The following NTPCR variants were observed in gnomAD, a reference collection of about 807,000 sequenced individuals.
NTPCR encodes the protein nucleoside-triphosphatase, cancer-related.
NTPCR carries 15 observed loss-of-function variants against 19.5 expected under a neutral mutation model. The observed-to-expected ratio is 0.77, with a 90% CI of 0.51 to 1.18. The LOEUF (loss-of-function observed/expected upper bound fraction) is 1.18, where lower values mean the gene tolerates loss of function less well. Ranked by LOEUF, NTPCR falls within the 50% of genes most tolerant of loss-of-function variation. The pLI is 0.00. For synonymous variants in NTPCR, 90 were observed against 95.8 expected (o/e 0.94, Z 0.36); for missense variants, 206 against 240.4 (o/e 0.86, Z 0.95).
rs568756935 is a variant in NTPCR, at chr1:232,980,669, G to A, written c.*2438G>A. 6.6e-6 allele frequency: 1 copy of A among 152,330 alleles called. No homozygotes were observed. The highest frequency in any genetic ancestry group is 6.5e-5 in the Admixed American group (1 of 15,308). The allele number at this position is 152,330 out of a possible 1,614,324, so 9.4% of individuals were successfully genotyped here. A position where few individuals can be genotyped will look rare whatever the true frequency, so the allele number is the denominator to read the frequency against. ...GATAAGATGAATTCACAGATAACTAGAACTCAGGGCCAAACGCACACAGCC... is the reference window on the plus strand; with the variant it reads ...GATAAGATGAATTCACAGATAACTAAAACTCAGGGCCAAACGCACACAGCC... On this transcript the variant is annotated 3_prime_UTR_variant, in exon 5 of 5. Transcript: ENST00000366628.
At chr1:232,969,549 A>G (rs1486426541) in intron 3 of NTPCR, 1 of 210,682 alleles carries the variant, frequency 4.7e-6, no homozygotes, top group Non-Finnish European at 9.9e-6. Context: ...TTAAAAGGAA[A>G]CAAGTCTTGG....
rs142991456 is a variant in NTPCR, at chr1:232,954,932, T to G, written c.35-625T>G. On this transcript the variant is annotated intron_variant, in intron 1 of 4. Coordinates refer to ENST00000366628, the MANE Select transcript of NTPCR (RefSeq NM_032324.3). ...GTGGGGGATAAAGGTGAAGAAATGC[T>G]TAGAGACCCTGGAGAAGATGATGTT... Among the ~76,000 whole-genome samples the G allele has an allele frequency of 7.8e-3, 1,195 of 152,268 alleles. 16 individuals carry two copies. The highest frequency in any genetic ancestry group is 0.028 in the African/African-American group (1,159 of 41,548).
chr1:232,957,322 C>G (rs115629331), intron 3 of NTPCR, among the ~76,000 whole-genome samples: 1 of 152,074 alleles, frequency 6.6e-6, no homozygotes, highest in African/African-American at 2.4e-5. Flanking sequence ...GCCATGTGGG[C>G]TAGGTTTTTC....
chr1:232,972,594 T>G (rs528318498), intron 4 of NTPCR, among the ~76,000 whole-genome samples: 1 of 152,080 alleles, frequency 6.6e-6, no homozygotes, highest in African/African-American at 2.4e-5. Flanking sequence ...CCTGACTCAT[T>G]TGTGCATTTT....
chr1:232,972,980 C>T (rs1402925418), intron 4 of NTPCR, among the ~76,000 whole-genome samples: 1 of 151,888 alleles, frequency 6.6e-6, no homozygotes, highest in Non-Finnish European at 1.5e-5. Context: ...GAGAGGTGTC[C>T]AAAGGAAGGG....
intron 3 of NTPCR, 150 bp from the exon 4 acceptor site, chr1:232,969,759 G>A (rs775450987): frequency 9.8e-5 from 61 of 621,434 alleles, no homozygotes; most frequent in Non-Finnish European, 1.6e-4. Flanking sequence ...CAGTACCAGC[G>A]GTGGTCTGTG....
At position 232,983,731 on chromosome 1, in the gene NTPCR, C is replaced by G. The variant is rs912860901; in HGVS notation, c.*5500C>G. Reference sequence around the variant, plus strand: ...TTGTTGTGAAGCTGCCACCATGTTACGCTTAACAGCTGCATAAATATTATA... The same window carrying G: ...TTGTTGTGAAGCTGCCACCATGTTAGGCTTAACAGCTGCATAAATATTATA... On this transcript the variant is annotated 3_prime_UTR_variant, in exon 5 of 5. Transcript: ENST00000366628. 6.6e-6 allele frequency: 1 copy of G among 152,184 alleles called. No homozygotes were observed. Among genetic ancestry groups the G allele is most frequent in the Non-Finnish European group, 1.5e-5 (1 of 68,042 alleles). The allele number at this position is 152,184 out of a possible 1,614,324, so 9.4% of individuals were successfully genotyped here. A position where few individuals can be genotyped will look rare whatever the true frequency, so the allele number is the denominator to read the frequency against.
intron 4 of NTPCR, among the ~76,000 whole-genome samples, chr1:232,973,736 A>G (rs1255831196): frequency 6.6e-6 from 1 of 152,248 alleles, no homozygotes; most frequent in African/African-American, 2.4e-5. Flanking sequence ...CCTAGAAGAT[A>G]GAAGAATCAA....
chr1:232,954,873 G>A (rs1316248353), intron 1 of NTPCR, among the ~76,000 whole-genome samples: 4 of 152,090 alleles, frequency 2.6e-5, no homozygotes, highest in Non-Finnish European at 5.9e-5. Context: ...GAGGCTGAGG[G>A]GGCAGAGGTA....
chr1:232,956,403 T>A lies in NTPCR; in HGVS notation c.254T>A (p.Leu85Gln). 2 of 1,613,948 alleles carry A rather than the reference T, an allele frequency of 1.2e-6. No homozygotes were observed. Among genetic ancestry groups the A allele is most frequent in the Non-Finnish European group, 1.7e-6 (2 of 1,179,812 alleles). Reference sequence around the variant, plus strand: ...CGAGTTGGGCAGTATGTGGTCGACCTGACTTCTTTTGAGCAGTTGGCACTA... The same window carrying A: ...CGAGTTGGGCAGTATGTGGTCGACCAGACTTCTTTTGAGCAGTTGGCACTA... ...ECRVGQYVVD[L>Q]TSFEQLALPV... Residue 85 changes from leucine to glutamine, a missense_variant, in exon 3 of 5, where the codon CTG becomes CAG. Physicochemically the swap from Leu to Gln is moderately radical, Grantham distance 113. Transcript: ENST00000366628.
At chr1:232,978,024 G>A (rs1558137005) in intron 4 of NTPCR, 139 bp from the exon 5 acceptor site, 1 of 637,094 alleles carries the variant, frequency 1.6e-6, no homozygotes, top group East Asian at 2.8e-5. Context: ...CTCCTGAAGA[G>A]CTGGGCCTCC....
At chr1:232,977,908 G>A (rs1038058402) in intron 4 of NTPCR, among the ~76,000 whole-genome samples, 2 of 152,140 alleles carry the variant, frequency 1.3e-5, no homozygotes, top group African/African-American at 4.8e-5. Context: ...CTCTCCCCAT[G>A]GTTGGCTGAA....
At chr1:232,970,231 T>C in intron 4 of NTPCR, 113 bp downstream of exon 4, 1 of 833,636 alleles carries the variant, frequency 1.2e-6, no homozygotes, top group Non-Finnish European at 1.9e-6. Context: ...CCTTCCATGC[T>C]GAAATGTAGG....
chr1:232,952,913 T>A (rs1668411247), intron 1 of NTPCR, among the ~76,000 whole-genome samples: 2 of 152,290 alleles, frequency 1.3e-5, no homozygotes, highest in South Asian at 2.1e-4. Context: ...CTCTGGTCCC[T>A]GGAGCCCACT....
chr1:232,957,535 T>C (rs941097355), intron 3 of NTPCR, among the ~76,000 whole-genome samples: 24 of 152,248 alleles, frequency 1.6e-4, no homozygotes, highest in Non-Finnish European at 2.5e-4. Context: ...ATATTGTCAC[T>C]TCTTTCTTTA....
chr1:232,960,528 G>T (rs887296664), intron 3 of NTPCR, among the ~76,000 whole-genome samples: 1 of 151,822 alleles, frequency 6.6e-6, no homozygotes, highest in Admixed American at 6.6e-5. Flanking sequence ...ATTTTTAGTA[G>T]AGACGGGGTT....
chr1:232,969,728 C>A, intron 3 of NTPCR, 181 bp from the exon 4 acceptor site: 1 of 554,218 alleles, frequency 1.8e-6, no homozygotes, highest in South Asian at 2.0e-5. Context: ...GGGACTCACC[C>A]TTGTGCAGTC....
At chr1:232,951,038 G>A in intron 1 of NTPCR, 1 of 410,326 alleles carries the variant, frequency 2.4e-6, no homozygotes, top group East Asian at 4.3e-5. Context: ...TCCTACTGTA[G>A]TGTTGACGTT....
rs527992272 is a variant in NTPCR at position 232,976,591 on chromosome 1, T to C, written c.505-1572T>C. 2.8e-6 allele frequency: 4 copies of C among 1,448,862 alleles called. No homozygotes were observed. In the East Asian group the frequency reaches 1.0e-4, roughly 37 times the overall value. 89.8% of individuals were successfully genotyped at this position (1,448,862 alleles called of 1,614,324 possible). A position where few individuals can be genotyped will look rare whatever the true frequency, so the allele number is the denominator to read the frequency against. On this transcript the variant is annotated intron_variant, in intron 4 of 4. Transcript: ENST00000366628. ...ACAGCATCAAAAAGCCTTATAGGCT[T>C]TGGAGCTGTCCCATGAAGCCAAAGG...
Sources: allele counts gnomAD v4.1 joint callset (sites outside exome capture counted in the v4.1 genomes callset), GRCh38; gene constraint gnomAD v4.1.1; transcripts MANE v1.5; gene names NCBI Gene and HGNC (gene_info 2026-07-23, HGNC 2026-07-21).